Variants in CELF2 observed in about 807,000 individuals in gnomAD.
The protein encoded by CELF2 is CUG triplet repeat RNA-binding protein 2.
CELF2 carries 8 observed loss-of-function variants against 62.6 expected under a neutral mutation model. The observed-to-expected ratio is 0.13, with a 90% CI of 0.07 to 0.23. The LOEUF (loss-of-function observed/expected upper bound fraction) is 0.23, where lower values mean the gene tolerates loss of function less well. CELF2 is among the 10% of genes least tolerant of loss of function. The pLI is 1.00. For synonymous variants in CELF2, 258 were observed against 250.0 expected, an observed-to-expected ratio of 1.03 and a Z score of -0.30; for missense variants, 333 against 671.0, an observed-to-expected ratio of 0.50 and a Z score of 5.56.
chr10:10,853,032 G>A (rs909344569), intron 1 of CELF2, among the ~76,000 whole-genome samples: 2 of 152,184 alleles, frequency 1.3e-5, no homozygotes, highest in Admixed American at 1.3e-4. Flanking sequence ...AGCCTGGAGT[G>A]CAGTGGTGCA....
chr10:10,747,724 T>C, the CELF2 span, among the ~76,000 whole-genome samples: 76 of 152,160 alleles, frequency 5.0e-4, no homozygotes, highest in Non-Finnish European at 9.6e-4. Context: ...ATATATATTT[T>C]GAGACGAAGT....
At position 10,934,626 on chromosome 10, in the gene CELF2, A is replaced by G. The variant is rs2066439959; in HGVS notation, c.89+14627A>G. 1 of 152,254 alleles carries G rather than the reference A, an allele frequency of 6.6e-6. No homozygotes were observed. The highest frequency in any genetic ancestry group is 1.5e-5 in the Non-Finnish European group (1 of 68,056). 9.4% of individuals were successfully genotyped at this position (152,254 alleles called of 1,614,324 possible). ...ATTTCCAGTTTAGGAATGTCCTAGT[A>G]TCATGAACAAAAACTAGGGATGTCT... is the stretch of plus-strand genomic sequence containing the variant. On this transcript the variant is annotated intron_variant, in intron 2 of 13. Transcript: ENST00000636488. This position sits in a 1 kb window ranked among gnomAD's most constrained non-coding sequence, Gnocchi z 4.4.
chr10:10,805,902 A>G (rs7075064), intron 1 of CELF2, among the ~76,000 whole-genome samples: 108,357 of 152,156 alleles, frequency 0.71, 38,835 homozygotes, highest in East Asian at 0.79. Flanking sequence ...GACATCTGCT[A>G]GATGGGGGAG....
chr10:10,744,209 CTCT>C, the CELF2 span, among the ~76,000 whole-genome samples: 3 of 152,116 alleles, frequency 2.0e-5, no homozygotes, highest in African/African-American at 7.2e-5. Flanking sequence ...AAGCCACACT[CTCT>C]TCTACACACA....
chr10:10,774,931 T>G, the CELF2 span, among the ~76,000 whole-genome samples: 1 of 151,834 alleles, frequency 6.6e-6, no homozygotes, highest in Admixed American at 6.6e-5. Flanking sequence ...CAGGCTGGAG[T>G]GCAGTGGTGC....
intron 2 of CELF2, among the ~76,000 whole-genome samples, chr10:11,202,336 TGAA>T (rs1384991297): frequency 6.6e-6 from 1 of 152,216 alleles, no homozygotes; most frequent in Non-Finnish European, 1.5e-5. Context: ...GAACAGCAGT[TGAA>T]TTATTTATGT....
intron 1 of CELF2, among the ~76,000 whole-genome samples, chr10:10,911,586 G>C (rs1207298565): frequency 1.3e-5 from 2 of 152,244 alleles, no homozygotes; most frequent in African/African-American, 4.8e-5. Context: ...TTGACTAAGG[G>C]ATTTGTGCAT....
chr10:10,636,860 G>A, the CELF2 span, among the ~76,000 whole-genome samples: 1 of 152,158 alleles, frequency 6.6e-6, no homozygotes, highest in African/African-American at 2.4e-5. Context: ...ATTTGCAAGT[G>A]TGATAATGAA....
intron 2 of CELF2, among the ~76,000 whole-genome samples, chr10:11,175,974 G>A (rs561079735): frequency 6.6e-6 from 1 of 152,324 alleles, no homozygotes; most frequent in South Asian, 2.1e-4. Context: ...TTTCGGGTTA[G>A]CCATGTCCGT....
intron 1 of CELF2, among the ~76,000 whole-genome samples, chr10:10,832,752 T>G (rs1183799597): frequency 6.6e-6 from 1 of 152,134 alleles, no homozygotes; most frequent in Non-Finnish European, 1.5e-5. Flanking sequence ...TTCCCCAGTG[T>G]CTTGTTTTTA....
chr10:11,204,543 G>T (rs983433982), intron 2 of CELF2, among the ~76,000 whole-genome samples: 10 of 152,242 alleles, frequency 6.6e-5, no homozygotes, highest in African/African-American at 2.2e-4. Context: ...GCCATGCCTT[G>T]TCGGGGGCCG....
chr10:10,818,776 C>G (rs1397493747), intron 1 of CELF2, among the ~76,000 whole-genome samples: 2 of 152,040 alleles, frequency 1.3e-5, no homozygotes, highest in Non-Finnish European at 2.9e-5. Context: ...TGGGGTTTCC[C>G]CATGTTGACC....
At position 11,185,143 on chromosome 10, in the gene CELF2, T is replaced by C. The variant is rs653860; in HGVS notation, c.271+19461T>C. ...TGTTGAGATGATCATATCGGGTTTT[T>C]TGTCTGTTTGTAAATATGACAAATC... On this transcript the variant is annotated intron_variant, in intron 2 of 12. Transcript: ENST00000633077. Among the ~76,000 whole-genome samples the C allele has an allele frequency of 7.3e-3, 1,119 of 152,316 alleles. 15 individuals carry two copies. The highest frequency in any genetic ancestry group is 0.026 in the African/African-American group (1,072 of 41,572).
chr10:10,758,539 T>C, the CELF2 span, among the ~76,000 whole-genome samples: 85,791 of 152,052 alleles, frequency 0.56, 24,922 homozygotes, highest in African/African-American at 0.7. Flanking sequence ...TGGATCACAT[T>C]GGTGTCCCAT....
Position 10,911,739 on chromosome 10 carries a change from C to T in CELF2, c.54-8225C>T, listed in dbSNP as rs2063831281. On this transcript the variant is annotated intron_variant, in intron 1 of 13. Coordinates refer to the CELF2 transcript ENST00000636488. Reference sequence around the variant, plus strand: ...CGCCTCCTGGACTTTATCTTGAAATCTGAGAGGTAGAGAAAGTTTCGTTCC... The same window carrying T: ...CGCCTCCTGGACTTTATCTTGAAATTTGAGAGGTAGAGAAAGTTTCGTTCC... Among the ~76,000 whole-genome samples, 4 of 152,316 alleles carry T rather than the reference C, an allele frequency of 2.6e-5. No homozygotes were observed. The South Asian group carries it at 8.3e-4, about 32-fold the overall frequency.
At chr10:11,148,653 A>G (rs2062714035) in intron 1 of CELF2, among the ~76,000 whole-genome samples, 1 of 152,180 alleles carries the variant, frequency 6.6e-6, no homozygotes. Context: ...TATTTAGATT[A>G]AGGACCCATT....
the CELF2 span, among the ~76,000 whole-genome samples, chr10:10,718,183 A>G: frequency 6.6e-6 from 1 of 152,178 alleles, no homozygotes; most frequent in African/African-American, 2.4e-5. Flanking sequence ...TTTTGCATAA[A>G]CACATCTGAG....
chr10:10,593,748 C>A, the CELF2 span, among the ~76,000 whole-genome samples: 1 of 152,156 alleles, frequency 6.6e-6, no homozygotes, highest in Non-Finnish European at 1.5e-5. Flanking sequence ...TCAAATAAAT[C>A]ATTGATTCTG....
At chr10:11,004,470 C>T (rs530048662), upstream of CELF2, among the ~76,000 whole-genome samples, 12 of 151,746 alleles carry the variant, frequency 7.9e-5, 1 homozygote, top group South Asian at 8.3e-4. The surrounding 1 kb of genome is among the most constrained non-coding windows in gnomAD (Gnocchi z 5.0). Context: ...GGCTAATCTG[C>T]GTAGAATTTT....
Sources: gnomAD v4.1 joint callset for allele counts (sites outside exome capture counted in the v4.1 genomes callset) on GRCh38, gnomAD v4.1.1 for gene constraint, Gnocchi (gnomAD v3.1) non-coding constraint, MANE v1.5 for transcripts, NCBI Gene and HGNC (gene_info 2026-07-23, HGNC 2026-07-21) for gene names.